NPAS3: variants seen among roughly 807,000 people sequenced by gnomAD.
NPAS3 encodes the protein neuronal PAS domain-containing protein 3.
Under a neutral mutation model 73.1 loss-of-function variants are expected in NPAS3, and 14 were observed. The ratio of observed to expected loss-of-function variants is 0.19; its 90% CI spans 0.13 to 0.30. The LOEUF is 0.30. Ranked by LOEUF, NPAS3 falls within the 10% of genes least tolerant of loss-of-function variation. NPAS3 has a pLI of 1.00. For synonymous variants in NPAS3, 620 were observed against 541.5 expected, an observed-to-expected ratio of 1.14 and a Z score of -2.01; for missense variants, 1,096 against 1,250.0, an observed-to-expected ratio of 0.88 and a Z score of 1.86.
chr14:32,983,649 A>G (rs1159261809), intron 1 of NPAS3, among the ~76,000 whole-genome samples: 1 of 152,118 alleles, frequency 6.6e-6, no homozygotes, highest in African/African-American at 2.4e-5. Context: ...CGTGTCAATA[A>G]TGGCTATATA....
At chr14:33,186,905 C>G (rs1002477055) in intron 2 of NPAS3, among the ~76,000 whole-genome samples, 17 of 152,278 alleles carry the variant, frequency 1.1e-4, no homozygotes, top group African/African-American at 3.8e-4. Flanking sequence ...CTACTGGCAT[C>G]TAGTGGGTAG....
chr14:33,171,690 G>T (rs76839280), intron 2 of NPAS3, among the ~76,000 whole-genome samples: 1 of 152,052 alleles, frequency 6.6e-6, no homozygotes, highest in African/African-American at 2.4e-5. Flanking sequence ...TTTCACTTTC[G>T]TATTATTTGT....
At chr14:33,113,842 A>C (rs1384920305) in intron 2 of NPAS3, among the ~76,000 whole-genome samples, 1 of 152,138 alleles carries the variant, frequency 6.6e-6, no homozygotes, top group African/African-American at 2.4e-5. Flanking sequence ...GATACGTCCC[A>C]TCAATACCTA....
intron 4 of NPAS3, among the ~76,000 whole-genome samples, chr14:33,434,278 G>A (rs902066224): frequency 6.6e-6 from 1 of 151,964 alleles, no homozygotes; most frequent in South Asian, 2.1e-4. Flanking sequence ...TGTAATCCCA[G>A]CACTTTGGGA....
At chr14:33,758,005 A>G (rs1394265214) in intron 7 of NPAS3, among the ~76,000 whole-genome samples, 2 of 152,258 alleles carry the variant, frequency 1.3e-5, no homozygotes, top group Non-Finnish European at 2.9e-5. Context: ...AAGGTTAATT[A>G]AACATTGAAT....
intron 4 of NPAS3, among the ~76,000 whole-genome samples, chr14:33,411,071 T>C (rs1469125621): frequency 2.0e-5 from 3 of 152,250 alleles, no homozygotes; most frequent in Non-Finnish European, 4.4e-5. Flanking sequence ...CCCTGTCAAC[T>C]GTAGCATGCA....
chr14:33,418,288 G>A (rs1241557616), intron 4 of NPAS3, among the ~76,000 whole-genome samples: 2 of 151,934 alleles, frequency 1.3e-5, no homozygotes, highest in Admixed American at 1.3e-4. Flanking sequence ...GAGAAGAGGG[G>A]CCAAAGGCTG....
intron 5 of NPAS3, among the ~76,000 whole-genome samples, chr14:33,666,140 T>G (rs937111998): frequency 6.6e-6 from 1 of 152,142 alleles, no homozygotes; most frequent in Non-Finnish European, 1.5e-5. Context: ...CTGGCATGGA[T>G]CTATCTATCT....
At chr14:32,973,810 T>TC (rs1407236015) in intron 1 of NPAS3, among the ~76,000 whole-genome samples, 14 of 152,186 alleles carry the variant, frequency 9.2e-5, no homozygotes, top group African/African-American at 3.4e-4. Flanking sequence ...GTGCTGGGAT[T>TC]ACAGGTGTAA....
intron 4 of NPAS3, among the ~76,000 whole-genome samples, chr14:33,408,880 C>T (rs534715477): frequency 7.9e-5 from 12 of 152,142 alleles, no homozygotes; most frequent in African/African-American, 2.9e-4. Context: ...TCTGTGAGTC[C>T]TCCAGAGGAA....
chr14:33,251,252 C>A (rs995850547), intron 3 of NPAS3, among the ~76,000 whole-genome samples: 1 of 152,120 alleles, frequency 6.6e-6, no homozygotes, highest in Non-Finnish European at 1.5e-5. Context: ...TTATACAGAA[C>A]TTCATTTTTC....
At chr14:33,779,499 C>T (rs117837130) in intron 9 of NPAS3, among the ~76,000 whole-genome samples, 472 of 152,318 alleles carry the variant, frequency 3.1e-3, no homozygotes, top group Non-Finnish European at 4.7e-3. Context: ...AATTTAAATA[C>T]AGTCACATGC....
chr14:32,955,464 G>T (rs985215803), intron 1 of NPAS3, among the ~76,000 whole-genome samples: 3 of 151,870 alleles, frequency 2.0e-5, no homozygotes, highest in Admixed American at 1.3e-4. Context: ...AAGATAACAT[G>T]GAAATTATCT....
chr14:33,008,210 T>C (rs1953441), intron 1 of NPAS3, among the ~76,000 whole-genome samples: 125,590 of 152,086 alleles, frequency 0.83, 51,977 homozygotes, highest in Middle Eastern at 0.89. Context: ...ACTGGTTAAA[T>C]AAATTGTGGA....
chr14:33,771,854 A>C (rs2062664483), intron 7 of NPAS3, among the ~76,000 whole-genome samples: 1 of 152,174 alleles, frequency 6.6e-6, no homozygotes, highest in African/African-American at 2.4e-5. Context: ...CTAATGTTTC[A>C]TTCAATGTGA....
intron 3 of NPAS3, among the ~76,000 whole-genome samples, chr14:33,324,861 C>A (rs2043619875): frequency 6.6e-6 from 1 of 152,048 alleles, no homozygotes. Flanking sequence ...GTGTAGAATT[C>A]TTTTAAAAAT....
At chr14:33,159,769 G>A (rs2044788139) in intron 2 of NPAS3, among the ~76,000 whole-genome samples, 1 of 152,010 alleles carries the variant, frequency 6.6e-6, no homozygotes, top group Non-Finnish European at 1.5e-5. Context: ...TAGCCAGGAT[G>A]GTCTCAATGT....
upstream of NPAS3, among the ~76,000 whole-genome samples, chr14:32,937,719 T>G (rs562690697): frequency 1.2e-4 from 18 of 152,364 alleles, no homozygotes; most frequent in South Asian, 2.7e-3. Flanking sequence ...ATTTTTTTCT[T>G]AAGCTTAAAG....
At chr14:33,622,553 A>T (rs1244334672) in intron 5 of NPAS3, among the ~76,000 whole-genome samples, 1 of 152,238 alleles carries the variant, frequency 6.6e-6, no homozygotes, top group Non-Finnish European at 1.5e-5. Context: ...TACAGATTTG[A>T]CAGATCTTAA....
Sources: allele counts gnomAD v4.1 joint callset (sites outside exome capture counted in the v4.1 genomes callset), GRCh38; gene constraint gnomAD v4.1.1; transcripts MANE v1.5; gene names NCBI Gene and HGNC (gene_info 2026-07-23, HGNC 2026-07-21).